SOX10: variants seen among roughly 807,000 people sequenced by gnomAD.
The protein encoded by SOX10 is SRY-box transcription factor 10.
Under a neutral mutation model 35.0 loss-of-function variants are expected in SOX10, and 3 were observed. The ratio of observed to expected loss-of-function variants is 0.09; its 90% CI spans 0.04 to 0.22. The LOEUF (loss-of-function observed/expected upper bound fraction) is 0.22, where lower values mean the gene tolerates loss of function less well. SOX10 is among the 10% of genes least tolerant of loss of function. SOX10 has a pLI of 1.00. For synonymous variants in SOX10, 285 were observed against 291.0 expected (o/e 0.98, Z 0.21); for missense variants, 436 against 655.1 (o/e 0.67, Z 3.65).
chr22:37,980,701 C>T lies in SOX10; in HGVS notation c.429-2566G>A, dbSNP rs1194780063. 6.6e-6 allele frequency among the ~76,000 whole-genome samples: 1 copy of T among 152,250 alleles called. No individual in the cohort carries two copies. Among genetic ancestry groups the T allele is most frequent in the East Asian group, 1.9e-4 (1 of 5,204 alleles). On this transcript the variant is annotated intron_variant, in intron 2 of 3. Transcript: ENST00000396884. This position sits in a 1 kb window ranked among gnomAD's most constrained non-coding sequence, Gnocchi z 4.1. The stretch of plus-strand genomic sequence containing the variant: ...TAACTCCAAACCCAGTCCTCATCTG[C>T]ACCTTCCTGTCAGCCCTCTTTCTCC...
Position 37,973,156 on chromosome 22 carries a change from G to C in SOX10, c.*339C>G, listed in dbSNP as rs1414987145. The C allele has an allele frequency of 1.0e-5, 3 of 292,280 alleles. No homozygotes were observed. The highest frequency in any genetic ancestry group is 4.3e-5 in the African/African-American group (2 of 46,106). 18.1% of individuals were successfully genotyped at this position (292,280 alleles called of 1,614,324 possible). A position where few individuals can be genotyped will look rare whatever the true frequency, so the allele number is the denominator to read the frequency against. On this transcript the variant is annotated 3_prime_UTR_variant, in exon 4 of 4. Coordinates refer to ENST00000396884, the MANE Select transcript of SOX10 (RefSeq NM_006941.4). Reference sequence around the variant, plus strand: ...GGCCTCCGATGCCACCAACCCTGGTGCTTCCCCTCCCCGAGGAGGGTGAGC... The same window carrying C: ...GGCCTCCGATGCCACCAACCCTGGTCCTTCCCCTCCCCGAGGAGGGTGAGC...
At position 37,973,387 on chromosome 22, in the gene SOX10, C is replaced by A; in HGVS notation, c.*108G>T. 1 of 749,080 alleles carries A rather than the reference C, an allele frequency of 1.3e-6. No individual in the cohort carries two copies. The highest frequency in any genetic ancestry group is 2.7e-5 in the East Asian group (1 of 36,892). 46.4% of individuals were successfully genotyped at this position (749,080 alleles called of 1,614,324 possible). On this transcript the variant is annotated 3_prime_UTR_variant, in exon 4 of 4. Coordinates refer to ENST00000396884, the MANE Select transcript of SOX10 (RefSeq NM_006941.4). Reference sequence around the variant, plus strand: ...CCCCCCGACCTGTCAGCCTCTTCAGCCTCCTCAGCCTCCTCCACTGCCACC... The same window carrying A: ...CCCCCCGACCTGTCAGCCTCTTCAGACTCCTCAGCCTCCTCCACTGCCACC...
Position 37,974,347 on chromosome 22 carries a change from GTTT to G in SOX10, c.698-152_698-150del, listed in dbSNP as rs916489152. On this transcript the variant is annotated intron_variant, in intron 3 of 3. Coordinates refer to ENST00000396884, the MANE Select transcript of SOX10 (RefSeq NM_006941.4). This position sits in a 1 kb window ranked among gnomAD's most constrained non-coding sequence, Gnocchi z 5.4. ...TTCACATTTTGGCAGCATGAGTCGGGTTTTTTTTTGTTTTTTTTTTTTGAGATG... is the reference window on the plus strand; with the variant it reads ...TTCACATTTTGGCAGCATGAGTCGGGTTTTTTGTTTTTTTTTTTTGAGATG... 1.4e-5 allele frequency: 8 copies of G among 583,926 alleles called. No individual in the cohort carries two copies. The highest frequency in any genetic ancestry group is 2.2e-5 in the South Asian group (1 of 45,524). 36.2% of individuals were successfully genotyped at this position (583,926 alleles called of 1,614,324 possible).
chr22:37,976,420 G>A (rs891059245), intron 3 of SOX10, among the ~76,000 whole-genome samples: 18 of 152,104 alleles, frequency 1.2e-4, no homozygotes, highest in African/African-American at 3.9e-4. Context: ...CTAGACTATG[G>A]GCCCCTGAGG....
In SOX10 at chr22:37,983,701, C is replaced by T; in HGVS notation, c.84G>A (p.Ala28=). ...CGCCGCCGTCGGGCCCTAGCGAGGG[C>T]GCGCTCCCCGGGGACAGGCAGCGGG... ...EEPRCLSPGS[A]PSLGPDGGGG... Residue 28 remains alanine (A), a synonymous_variant, in exon 2 of 4, where the codon GCG becomes GCA. Transcript: ENST00000396884. The surrounding 1 kb of genome is among the most constrained non-coding windows in gnomAD (Gnocchi z 9.5). 1.3e-6 allele frequency: 2 copies of T among 1,516,102 alleles called. No individual in the cohort carries two copies. Among genetic ancestry groups the T allele is most frequent in the South Asian group, 1.2e-5 (1 of 81,758 alleles). The allele number at this position is 1,516,102 out of a possible 1,614,324, so 93.9% of individuals were successfully genotyped here.
At position 37,983,581 on chromosome 22, in the gene SOX10, G is replaced by T. The variant is rs751332955; in HGVS notation, c.204C>A (p.Phe68Leu). The T allele has an allele frequency of 6.2e-7, 1 of 1,610,276 alleles. No homozygotes were observed. The highest frequency in any genetic ancestry group is 1.7e-5 in the Admixed American group (1 of 59,854). ...TGACGGCCTCGCGGATGCACACGGGGAACTTGTCATCGTCCGCCTCGCCGT... is the reference window on the plus strand; with the variant it reads ...TGACGGCCTCGCGGATGCACACGGGTAACTTGTCATCGTCCGCCTCGCCGT... ...QQDGEADDDK[F>L]PVCIREAVSQ... The change falls in exon 2 of 4, where the codon TTC (phenylalanine) becomes TTA (leucine). Residue 68 changes from phenylalanine (F) to leucine (L), a missense_variant. Transcript: ENST00000396884. This position sits in a 1 kb window ranked among gnomAD's most constrained non-coding sequence, Gnocchi z 9.5.
rs1387050948 is a variant in SOX10, at chr22:37,975,043, GTTGCCCTGTT to G, written c.698-855_698-846del. Among the ~76,000 whole-genome samples the G allele has an allele frequency of 2.0e-5, 3 of 152,310 alleles. No homozygotes were observed. In the East Asian group the frequency reaches 5.8e-4, roughly 29 times the overall value. ...TTAGCCCCGTCATACGCTGGCCTGT[GTTGCCCTGTT>G]GTTCTTTGAGCTGCCTTCCTCCATG... On this transcript the variant is annotated intron_variant, in intron 3 of 3. Coordinates refer to ENST00000396884, the MANE Select transcript of SOX10 (RefSeq NM_006941.4).
chr22:37,974,118 C>G lies in SOX10; in HGVS notation c.778G>C (p.Gly260Arg). Reference sequence around the variant, plus strand: ...TTCCCGCCCTCCCCCATGGAGCGCCCGTCCCGCTTCGGGTCTGCCTTGCCC... The same window carrying G: ...TTCCCGCCCTCCCCCATGGAGCGCCGGTCCCGCTTCGGGTCTGCCTTGCCC... The part of the protein sequence containing the change: ...QSGKADPKRD[G>R]RSMGEGGKPH... Residue 260 changes from glycine to arginine, a missense_variant, in exon 4 of 4, where the codon GGG becomes CGG. Gly to Arg is a moderately radical substitution (Grantham distance 125). Around this residue, in one of 3 missense-constraint regions of SOX10, gnomAD observed 285 missense variants for 402.9 expected, o/e 0.71. Coordinates refer to ENST00000396884, the MANE Select transcript of SOX10 (RefSeq NM_006941.4). This position sits in a 1 kb window ranked among gnomAD's most constrained non-coding sequence, Gnocchi z 5.4. 2 of 1,612,938 alleles carry G rather than the reference C, an allele frequency of 1.2e-6. No individual in the cohort carries two copies. The highest frequency in any genetic ancestry group is 1.1e-5 in the South Asian group (1 of 91,084).
rs925794828 is a variant in SOX10 at position 37,973,424 on chromosome 22, G to A, written c.*71C>T. On this transcript the variant is annotated 3_prime_UTR_variant, in exon 4 of 4. Transcript: ENST00000396884. ...CCTCCACTGCCACCACCAGGCCTGA[G>A]GTGGGCAAGGAACAGGGCACACAGG... 9.8e-7 allele frequency: 1 copy of A among 1,023,786 alleles called. No individual in the cohort carries two copies. Among genetic ancestry groups the A allele is most frequent in the South Asian group, 1.6e-5 (1 of 62,392 alleles). The allele number at this position is 1,023,786 out of a possible 1,614,324, so 63.4% of individuals were successfully genotyped here.
At position 37,973,832 on chromosome 22, in the gene SOX10, T is replaced by C; in HGVS notation, c.1064A>G (p.Gln355Arg). ...VSPPGVDAKAQVKTETAGPQG... is the reference protein window; with the variant it reads ...VSPPGVDAKARVKTETAGPQG... ...GGGCCCCGCGGTCTCTGTCTTCACC[T>C]GGGCTTTGGCATCCACACCAGGTGG... Residue 355 changes from glutamine (Q) to arginine (R), a missense_variant, in exon 4 of 4, where the codon CAG becomes CGG. Gln to Arg is a conservative substitution (Grantham distance 43, BLOSUM62 1). This residue lies in a region of SOX10 where 285 missense variants were observed against 402.9 expected (regional missense o/e 0.71). Transcript: ENST00000396884. 6.2e-7 allele frequency: 1 copy of C among 1,605,200 alleles called. No homozygotes were observed. The highest frequency in any genetic ancestry group is 8.5e-7 in the Non-Finnish European group (1 of 1,173,720).
rs1444622688 is a variant in SOX10 at position 37,974,264 on chromosome 22, C to A, written c.698-66G>T. ...AGCAGGTTAGAGGCAGGTGGGCGCA[C>A]GTGAACTTCCATGGTTCACCTTCAG... On this transcript the variant is annotated intron_variant, in intron 3 of 3. Coordinates refer to ENST00000396884, the MANE Select transcript of SOX10 (RefSeq NM_006941.4). This position sits in a 1 kb window ranked among gnomAD's most constrained non-coding sequence, Gnocchi z 5.4. 7.2e-6 allele frequency: 9 copies of A among 1,249,100 alleles called. No homozygotes were observed. In the East Asian group the frequency reaches 1.2e-4, roughly 16 times the overall value. The allele number at this position is 1,249,100 out of a possible 1,614,324, so 77.4% of individuals were successfully genotyped here. A position where few individuals can be genotyped will look rare whatever the true frequency, so the allele number is the denominator to read the frequency against.
rs572305816 is a variant in SOX10, at chr22:37,978,637, G to C, written c.429-502C>G. 6.6e-6 allele frequency among the ~76,000 whole-genome samples: 1 copy of C among 152,310 alleles called. No homozygotes were observed. The highest frequency in any genetic ancestry group is 6.5e-5 in the Admixed American group (1 of 15,304). ...GACCTTGAGCAAATTACTTCTCTGA[G>C]CCTGAGTTTCTTCACCTATAAAAGG... On this transcript the variant is annotated intron_variant, in intron 2 of 3. Transcript: ENST00000396884. This position sits in a 1 kb window ranked among gnomAD's most constrained non-coding sequence, Gnocchi z 5.0.
Position 37,978,705 on chromosome 22 carries a change from A to G in SOX10, c.429-570T>C, listed in dbSNP as rs910186957. On this transcript the variant is annotated intron_variant, in intron 2 of 3. Transcript: ENST00000396884. This position sits in a 1 kb window ranked among gnomAD's most constrained non-coding sequence, Gnocchi z 5.0. The stretch of plus-strand genomic sequence containing the variant: ...ACTTGGGTGTGGGATTGGCCAGAAT[A>G]ATGGATGTGAGATGCCTTGCACCAG... Among the ~76,000 whole-genome samples the G allele has an allele frequency of 1.3e-5, 2 of 152,166 alleles. No individual in the cohort carries two copies. The highest frequency in any genetic ancestry group is 2.9e-5 in the Non-Finnish European group (2 of 68,032).
chr22:37,976,068 C>T (rs1932210780), intron 3 of SOX10, among the ~76,000 whole-genome samples: 1 of 152,010 alleles, frequency 6.6e-6, no homozygotes, highest in Admixed American at 6.6e-5. Context: ...ACTAAAAATA[C>T]AATAATTAGC....
At position 37,973,230 on chromosome 22, in the gene SOX10, C is replaced by T. The variant is rs1394838319; in HGVS notation, c.*265G>A. ...AGAGGGTCATTCCTGGGGGAAGGTGCAGCCCCTCATCTTTCAGTGTGGGTG... is the reference window on the plus strand; with the variant it reads ...AGAGGGTCATTCCTGGGGGAAGGTGTAGCCCCTCATCTTTCAGTGTGGGTG... On this transcript the variant is annotated 3_prime_UTR_variant, in exon 4 of 4. Transcript: ENST00000396884. The T allele has an allele frequency of 8.9e-6, 4 of 447,030 alleles. No homozygotes were observed. The highest frequency in any genetic ancestry group is 1.2e-5 in the Non-Finnish European group (3 of 251,084). The allele number at this position is 447,030 out of a possible 1,614,324, so 27.7% of individuals were successfully genotyped here.
At position 37,980,670 on chromosome 22, in the gene SOX10, C is replaced by T. The variant is rs1189570736; in HGVS notation, c.429-2535G>A. Among the ~76,000 whole-genome samples the T allele has an allele frequency of 2.6e-5, 4 of 152,214 alleles. No individual in the cohort carries two copies. The highest frequency in any genetic ancestry group is 4.8e-5 in the African/African-American group (2 of 41,452). The stretch of plus-strand genomic sequence containing the variant: ...AGCCCCAAACCCCCAACTTCGCCTC[C>T]AGCTCTAACTCCAAACCCAGTCCTC... On this transcript the variant is annotated intron_variant, in intron 2 of 3. Coordinates refer to ENST00000396884, the MANE Select transcript of SOX10 (RefSeq NM_006941.4). This position sits in a 1 kb window ranked among gnomAD's most constrained non-coding sequence, Gnocchi z 4.1.
chr22:37,976,547 A>G (rs1932226746), intron 3 of SOX10, among the ~76,000 whole-genome samples: 1 of 152,162 alleles, frequency 6.6e-6, no homozygotes, highest in Non-Finnish European at 1.5e-5. Context: ...AGCACTTCCC[A>G]TGTGGCAGAC....
At position 37,974,692 on chromosome 22, in the gene SOX10, T is replaced by C. The variant is rs563354922; in HGVS notation, c.698-494A>G. On this transcript the variant is annotated intron_variant, in intron 3 of 3. Transcript: ENST00000396884. This position sits in a 1 kb window ranked among gnomAD's most constrained non-coding sequence, Gnocchi z 5.4. ...ACTGGTGTCTTAGATTGATCTCTAG[T>C]TGTTTATGAAATTCTCAAATCTTAG... 2.0e-5 allele frequency among the ~76,000 whole-genome samples: 3 copies of C among 152,298 alleles called. No homozygotes were observed. The South Asian group carries it at 6.2e-4, about 32-fold the overall frequency.
chr22:37,982,848 C>T (rs908286120), intron 2 of SOX10, among the ~76,000 whole-genome samples: 10 of 152,270 alleles, frequency 6.6e-5, no homozygotes, highest in South Asian at 4.1e-4. Flanking sequence ...AGATTTGTCC[C>T]GCAGTTCTTC....
Sources: gnomAD v4.1 joint callset for allele counts (sites outside exome capture counted in the v4.1 genomes callset) on GRCh38, gnomAD v4.1.1 for gene constraint, gnomAD v4.1.1 regional missense constraint, Gnocchi (gnomAD v3.1) non-coding constraint, MANE v1.5 for transcripts, NCBI Gene and HGNC (gene_info 2026-07-23, HGNC 2026-07-21) for gene names.